MUC5AC: variants seen among roughly 807,000 people sequenced by gnomAD.
MUC5AC encodes the protein mucin 5AC, oligomeric mucus/gel-forming, also known as mucin-5AC.
MUC5AC carries 158 observed loss-of-function variants against 169.7 expected under a neutral mutation model. The ratio of observed to expected loss-of-function variants is 0.93; its 90% CI spans 0.82 to 1.06. MUC5AC has a LOEUF of 1.06. Among genes scored for constraint, MUC5AC ranks in the 50% least tolerant of loss-of-function variants. MUC5AC has a pLI of 0.00. For missense variants in MUC5AC, 4,359 were observed against 3,089.9 expected (o/e 1.41, Z -9.74); for synonymous variants, 1,975 against 1,237.0 (o/e 1.60, Z -12.52).
intron 16 of MUC5AC, among the ~76,000 whole-genome samples, chr11:1,172,826 CCATT>C (rs1860579493): frequency 6.9e-6 from 1 of 145,270 alleles, no homozygotes; most frequent in African/African-American, 2.6e-5. Flanking sequence ...ACCCACTCAC[CCATT>C]CACTCACTCA....
Position 1,162,814 on chromosome 11 carries a change from G to T in MUC5AC, c.589-141G>T, listed in dbSNP as rs1047632502. The T allele has an allele frequency of 1.1e-5, 11 of 1,002,980 alleles. No homozygotes were observed. In the East Asian group the frequency reaches 2.5e-4, roughly 22 times the overall value. 62.1% of individuals were successfully genotyped at this position (1,002,980 alleles called of 1,614,324 possible). ...GCCCAGACACCAATGGTGTCCCGGGGTCTGTGCCCCCAGGATGGAGACTGC... is the reference window on the plus strand; with the variant it reads ...GCCCAGACACCAATGGTGTCCCGGGTTCTGTGCCCCCAGGATGGAGACTGC... On this transcript the variant is annotated intron_variant, in intron 5 of 48. Transcript: ENST00000621226.
intron 36 of MUC5AC, 43 bp downstream of exon 36, chr11:1,195,322 C>T: frequency 1.3e-6 from 1 of 745,372 alleles, no homozygotes; most frequent in South Asian, 1.4e-5. Flanking sequence ...TGTGGCCGCC[C>T]CACCTCCCAC....
At position 1,186,036 on chromosome 11, in the gene MUC5AC, G is replaced by A; in HGVS notation, c.7891G>A (p.Gly2631Ser). Reference sequence around the variant, plus strand: ...TGCCACTACAACCAGCAGAATCTCTGGTCCTGAAACTACTCCCAGCCCTGT... The same window carrying A: ...TGCCACTACAACCAGCAGAATCTCTAGTCCTGAAACTACTCCCAGCCCTGT... ...TSATTTSRIS[G>S]PETTPSPVPT... Residue 2631 changes from glycine (G) to serine (S), a missense_variant, in exon 31 of 49, where the codon GGT (glycine) becomes AGT (serine). Physicochemically the swap from Gly to Ser is moderately conservative, Grantham distance 56. Coordinates refer to ENST00000621226, the MANE Select transcript of MUC5AC (RefSeq NM_001304359.2). 1.4e-6 allele frequency: 1 copy of A among 733,020 alleles called. No homozygotes were observed. Among genetic ancestry groups the A allele is most frequent in the East Asian group, 2.5e-5 (1 of 39,724 alleles). 45.4% of individuals were successfully genotyped at this position (733,020 alleles called of 1,614,324 possible). A position where few individuals can be genotyped will look rare whatever the true frequency, so the allele number is the denominator to read the frequency against.
At position 1,158,085 on chromosome 11, in the gene MUC5AC, C is replaced by T; in HGVS notation, c.73+13C>T. On this transcript the variant is annotated intron_variant, in intron 1 of 48. Transcript: ENST00000621226. ...ACCCGGCATACAGGTACGGCTTGGC[C>T]CCTGGCCGCTCTACTGGTCCTGGGT... 6.3e-7 allele frequency: 1 copy of T among 1,592,078 alleles called. No individual in the cohort carries two copies. Among genetic ancestry groups the T allele is most frequent in the Non-Finnish European group, 8.5e-7 (1 of 1,171,992 alleles).
Position 1,176,236 on chromosome 11 carries a change from A to G in MUC5AC, c.2487A>G (p.Thr829=), listed in dbSNP as rs1174301123. 1 of 398,490 alleles carries G rather than the reference A, an allele frequency of 2.5e-6. No homozygotes were observed. Among genetic ancestry groups the G allele is most frequent in the Non-Finnish European group, 4.4e-6 (1 of 226,092 alleles). 24.7% of individuals were successfully genotyped at this position (398,490 alleles called of 1,614,324 possible). Residue 829 remains threonine, a synonymous_variant, in exon 20 of 49, where the codon ACA becomes ACG. Transcript: ENST00000621226. ...CTGGCTGTCAGAAGAGCTGCCACAC[A>G]CTGGACATGACCTGTGTAAGTCCCT... ...TGAGCQKSCH[T]LDMTCYSPQC...
chr11:1,162,344 T>C (rs1860168272), intron 4 of MUC5AC, among the ~76,000 whole-genome samples, 176 bp downstream of exon 4: 1 of 151,930 alleles, frequency 6.6e-6, no homozygotes, highest in Non-Finnish European at 1.5e-5. Flanking sequence ...CCTCCTGGGA[T>C]CCCCAGGCTC....
Position 1,185,450 on chromosome 11 carries a change from C to T in MUC5AC, c.7305C>T (p.Ser2435=). Residue 2435 remains serine, a synonymous_variant, in exon 31 of 49, where the codon AGC becomes AGT. Coordinates refer to ENST00000621226, the MANE Select transcript of MUC5AC (RefSeq NM_001304359.2). The part of the protein sequence containing the change: ...TSSTTSSPQT[S]TTSAPTTSTT... ...GCACAACCTCCAGTCCACAGACCAG[C>T]ACAACCTCGGCTCCTACAACCAGCA... 1.4e-6 allele frequency: 1 copy of T among 729,342 alleles called. No individual in the cohort carries two copies. Among genetic ancestry groups the T allele is most frequent in the Non-Finnish European group, 2.5e-6 (1 of 399,934 alleles). The allele number at this position is 729,342 out of a possible 1,614,324, so 45.2% of individuals were successfully genotyped here.
chr11:1,159,564 TGTGC>T (rs1860069176), intron 1 of MUC5AC, among the ~76,000 whole-genome samples: 7 of 13,200 alleles, frequency 5.3e-4, no homozygotes, highest in African/African-American at 1.1e-3. Flanking sequence ...TGTGCGGGGC[TGTGC>T]GGGGCTGTGC....
chr11:1,158,187 C>T (rs1860017452), intron 1 of MUC5AC, 115 bp downstream of exon 1: 1 of 920,782 alleles, frequency 1.1e-6, no homozygotes, highest in Non-Finnish European at 1.6e-6. Flanking sequence ...CCATGAACGG[C>T]TCCCAGCAGC....
chr11:1,193,076 G>A lies in MUC5AC; in HGVS notation c.14580+94G>A, dbSNP rs142127282. ...TTAGTCTTCAGCTGCAAAGTCTTGA[G>A]AAGGTCACTGGCGCTAGTGGAGGCA... On this transcript the variant is annotated intron_variant, in intron 32 of 48. Transcript: ENST00000621226. The A allele has an allele frequency of 9.7e-4, 586 of 606,512 alleles. 6 individuals are homozygous for A. Among genetic ancestry groups the A allele is most frequent in the African/African-American group, 9.4e-3 (511 of 54,406 alleles). 37.6% of individuals were successfully genotyped at this position (606,512 alleles called of 1,614,324 possible).
At position 1,192,866 on chromosome 11, in the gene MUC5AC, G is replaced by T. The variant is rs1293684710; in HGVS notation, c.14464G>T (p.Val4822Phe). 1.3e-6 allele frequency: 1 copy of T among 764,756 alleles called. No homozygotes were observed. The allele number at this position is 764,756 out of a possible 1,614,324, so 47.4% of individuals were successfully genotyped here. ...CSQDCQVVRG[V>F]DSDCPSTTLP... ...CCAGGACTGCCAAGTGGTCAGAGGG[G>T]TTGACAGTGACTGTCCGTCCACCAC... Residue 4822 changes from valine (V) to phenylalanine (F), a missense_variant, in exon 32 of 49, where the codon GTT becomes TTT. Transcript: ENST00000621226.
intron 48 of MUC5AC, 57 bp downstream of exon 48, chr11:1,200,026 C>A: frequency 1.5e-6 from 1 of 680,406 alleles, no homozygotes; most frequent in South Asian, 1.6e-5. Context: ...GCAGTCAGGG[C>A]CCCCAGGGCT....
intron 34 of MUC5AC, 28 bp from the exon 35 acceptor site, chr11:1,194,459 C>A: frequency 1.4e-6 from 1 of 733,176 alleles, no homozygotes; most frequent in Admixed American, 1.8e-5. Context: ...TGCCTTCTGA[C>A]TTCCCGTCGA....
At chr11:1,200,338 A>C (rs1222826424) in intron 48 of MUC5AC, 100 bp from the exon 49 acceptor site, 1 of 606,230 alleles carries the variant, frequency 1.6e-6, no homozygotes, top group Non-Finnish European at 3.0e-6. Context: ...CTCCAGGAGC[A>C]GGGAACACGA....
At chr11:1,165,007 GC>G (rs1860274801) in intron 9 of MUC5AC, among the ~76,000 whole-genome samples, 2 of 142,376 alleles carry the variant, frequency 1.4e-5, no homozygotes, top group Non-Finnish European at 3.1e-5. Flanking sequence ...CCTGAGGCTG[GC>G]TGAGGATCCT....
rs762460164 is a variant in MUC5AC at position 1,165,307 on chromosome 11, G to A, written c.1135G>A (p.Val379Met). ...VAGCFCPEGT[V>M]LDDIGQTGCV... ...GGCCTGCCTGACCCCTGCAGGGACG[G>A]TGCTTGACGACATCGGCCAGACCGG... Residue 379 changes from valine (V) to methionine (M), a missense_variant, in exon 10 of 49, where the codon GTG becomes ATG. Coordinates refer to ENST00000621226, the MANE Select transcript of MUC5AC (RefSeq NM_001304359.2). 1.9e-6 allele frequency: 3 copies of A among 1,611,728 alleles called. No homozygotes were observed. The highest frequency in any genetic ancestry group is 1.3e-5 in the African/African-American group (1 of 75,052).
chr11:1,200,219 C>G (rs1459960037), intron 48 of MUC5AC, among the ~76,000 whole-genome samples: 2 of 152,254 alleles, frequency 1.3e-5, no homozygotes, highest in African/African-American at 4.8e-5. Flanking sequence ...GCAGCCGCCC[C>G]GAGTCTCCCT....
At chr11:1,175,751 C>G (rs1860662155) in intron 19 of MUC5AC, among the ~76,000 whole-genome samples, 1 of 143,512 alleles carries the variant, frequency 7.0e-6, no homozygotes, top group Non-Finnish European at 1.5e-5. Context: ...CCGTCATGCA[C>G]CCACACTCAT....
chr11:1,180,119 A>G lies in MUC5AC; in HGVS notation c.3582A>G (p.Gly1194=). 2.5e-6 allele frequency: 1 copy of G among 398,902 alleles called. No homozygotes were observed. The allele number at this position is 398,902 out of a possible 1,614,324, so 24.7% of individuals were successfully genotyped here. A position where few individuals can be genotyped will look rare whatever the true frequency, so the allele number is the denominator to read the frequency against. The change falls in exon 27 of 49, where the codon GGA becomes GGG. Residue 1194 remains glycine (G), a synonymous_variant. Transcript: ENST00000621226. ...PCLRTCRNPR[G]DCLRDVRGLE... ...TGCGCACCTGCCGGAACCCCCGTGG[A>G]GACTGCCTGCGGGACGTCCGGGGCC...
Sources: gnomAD v4.1 joint callset for allele counts (sites outside exome capture counted in the v4.1 genomes callset) on GRCh38, gnomAD v4.1.1 for gene constraint, MANE v1.5 for transcripts, NCBI Gene and HGNC (gene_info 2026-07-23, HGNC 2026-07-21) for gene names.